PRORP: variants seen among roughly 807,000 people sequenced by gnomAD.
The protein encoded by PRORP is mitochondrial ribonuclease P catalytic subunit.
A neutral mutation model predicts 59.4 loss-of-function variants in PRORP; 51 were observed. The observed-to-expected ratio is 0.86, with a 90% CI of 0.69 to 1.08. The LOEUF (loss-of-function observed/expected upper bound fraction) is 1.08. PRORP is among the 50% of genes least tolerant of loss of function. PRORP has a pLI of 0.00. For missense variants in PRORP, 646 were observed against 690.3 expected (o/e 0.94, Z 0.72); for synonymous variants, 231 against 245.6 (o/e 0.94, Z 0.55).
chr14:35,195,715 G>C (rs2139105383), intron 5 of PRORP, among the ~76,000 whole-genome samples: 1 of 152,162 alleles, frequency 6.6e-6, no homozygotes, highest in Non-Finnish European at 1.5e-5. Context: ...AATTTTAGAA[G>C]TCAGATAGGT....
chr14:35,253,413 A>G (rs1212306198), intron 5 of PRORP, among the ~76,000 whole-genome samples: 4 of 126,430 alleles, frequency 3.2e-5, no homozygotes, highest in Non-Finnish European at 6.4e-5. Context: ...GGAAAGAAAG[A>G]AAAAAAGAAA....
chr14:35,132,181 G>C (rs919428239), intron 4 of PRORP, among the ~76,000 whole-genome samples: 1 of 151,854 alleles, frequency 6.6e-6, no homozygotes, highest in Non-Finnish European at 1.5e-5. Context: ...TATTCAACTG[G>C]GTGTGGTGGC....
At chr14:35,208,080 G>T (rs1478294178) in intron 5 of PRORP, among the ~76,000 whole-genome samples, 1 of 151,682 alleles carries the variant, frequency 6.6e-6, no homozygotes, top group Non-Finnish European at 1.5e-5. Flanking sequence ...AACCTAGGAG[G>T]CAGAGGTTGC....
At chr14:35,215,268 T>C (rs1338777076) in intron 5 of PRORP, among the ~76,000 whole-genome samples, 1 of 152,166 alleles carries the variant, frequency 6.6e-6, no homozygotes, top group Non-Finnish European at 1.5e-5. Flanking sequence ...GAGGGTGCTG[T>C]GGTATTTCTC....
chr14:35,180,905 A>G (rs1357092662), intron 5 of PRORP, 128 bp downstream of exon 5: 3 of 625,984 alleles, frequency 4.8e-6, no homozygotes, highest in Non-Finnish European at 8.4e-6. Flanking sequence ...AGGGTGCCAC[A>G]GTGACCAACT....
intron 4 of PRORP, among the ~76,000 whole-genome samples, chr14:35,177,071 C>G (rs2048471212): frequency 6.6e-6 from 1 of 152,190 alleles, no homozygotes. Flanking sequence ...TTGAACCAGC[C>G]TTGCATCCCA....
rs112566847 is a variant in PRORP at position 35,123,303 on chromosome 14, C to G, written c.58C>G (p.Leu20Val). 9 of 1,613,748 alleles carry G rather than the reference C, an allele frequency of 5.6e-6. No individual in the cohort carries two copies. The highest frequency in any genetic ancestry group is 7.6e-6 in the Non-Finnish European group (9 of 1,179,916). Residue 20 changes from leucine to valine, a missense_variant, in exon 2 of 8, where the codon CTT becomes GTT. Leu to Val is a conservative substitution (Grantham distance 32). Transcript: ENST00000534898. ...TCCGAAGCTTTGGAAGAGCCCATAC[C>G]TTGGGCTAGGCCCAGGGCACTCTTA... The part of the protein sequence containing the change: ...SFPKLWKSPY[L>V]GLGPGHSYVS...
intron 5 of PRORP, among the ~76,000 whole-genome samples, chr14:35,189,587 A>G (rs142602628): frequency 3.1e-3 from 475 of 152,164 alleles, no homozygotes; most frequent in Non-Finnish European, 5.1e-3. Flanking sequence ...CAAGCCAGAT[A>G]CTGTTTTAAG....
At chr14:35,135,569 G>T (rs567563037) in intron 4 of PRORP, among the ~76,000 whole-genome samples, 13 of 152,222 alleles carry the variant, frequency 8.5e-5, no homozygotes, top group Admixed American at 2.0e-4. Flanking sequence ...CCAGGAGAGG[G>T]CCTCTCCTTT....
intron 7 of PRORP, among the ~76,000 whole-genome samples, chr14:35,271,621 A>C (rs188703903): frequency 6.6e-6 from 1 of 152,310 alleles, no homozygotes; most frequent in South Asian, 2.1e-4. Context: ...TCTAGTTAAG[A>C]TATCTATAAT....
intron 4 of PRORP, chr14:35,159,019 G>C (rs2047992972): frequency 9.7e-6 from 3 of 308,008 alleles, no homozygotes; most frequent in Non-Finnish European, 1.9e-5. Context: ...CAGTCGTCCA[G>C]ATTCCAACAG....
chr14:35,239,637 C>T (rs1233693108), intron 5 of PRORP, among the ~76,000 whole-genome samples: 2 of 152,210 alleles, frequency 1.3e-5, no homozygotes, highest in African/African-American at 4.8e-5. Context: ...ATGTACATGA[C>T]ACATTGTTTC....
chr14:35,139,010 C>G (rs371443599), intron 4 of PRORP, among the ~76,000 whole-genome samples: 2 of 145,442 alleles, frequency 1.4e-5, no homozygotes, highest in African/African-American at 4.9e-5. Flanking sequence ...AGGCTGGTGT[C>G]GAACTCCTGA....
At chr14:35,169,324 A>C (rs59275448) in intron 4 of PRORP, among the ~76,000 whole-genome samples, 2 of 151,834 alleles carry the variant, frequency 1.3e-5, no homozygotes, top group African/African-American at 4.8e-5. Flanking sequence ...CTGTGTGTAT[A>C]TGTGTGTGTA....
At chr14:35,193,191 A>G (rs949827621) in intron 5 of PRORP, among the ~76,000 whole-genome samples, 1 of 152,142 alleles carries the variant, frequency 6.6e-6, no homozygotes, top group Non-Finnish European at 1.5e-5. Context: ...ATTTTAGTTA[A>G]TCATGCTAGT....
intron 5 of PRORP, among the ~76,000 whole-genome samples, chr14:35,217,399 G>C (rs984853025): frequency 7.9e-5 from 12 of 151,428 alleles, no homozygotes; most frequent in Admixed American, 7.2e-4. Context: ...TATTTGGGAG[G>C]CTAAGGCAGG....
At chr14:35,222,734 C>A (rs2049821356) in intron 5 of PRORP, 1 of 152,218 alleles carries the variant, frequency 6.6e-6, no homozygotes, top group South Asian at 2.1e-4. Flanking sequence ...TTCTGAATTG[C>A]AAGAGAGAAA....
At chr14:35,127,979 C>T (rs1189841722) in intron 4 of PRORP, among the ~76,000 whole-genome samples, 1 of 152,166 alleles carries the variant, frequency 6.6e-6, no homozygotes, top group Non-Finnish European at 1.5e-5. Context: ...TAAAAAGATG[C>T]TTATTCTTTC....
intron 4 of PRORP, among the ~76,000 whole-genome samples, chr14:35,131,726 A>T (rs2047244696): frequency 6.6e-6 from 1 of 151,664 alleles, no homozygotes; most frequent in Admixed American, 6.6e-5. Context: ...ACAGGGTTTC[A>T]CTATGTTAGC....
Sources: gnomAD v4.1 joint callset for allele counts (sites outside exome capture counted in the v4.1 genomes callset) on GRCh38, gnomAD v4.1.1 for gene constraint, MANE v1.5 for transcripts, NCBI Gene and HGNC (gene_info 2026-07-23, HGNC 2026-07-21) for gene names.